The following EEF2K variants were observed in gnomAD, a reference collection of about 807,000 sequenced individuals.
EEF2K encodes alternative protein EEF2K.
In EEF2K, 70 loss-of-function variants were observed where a neutral mutation model predicts 93.8. That is an observed-to-expected ratio of 0.75 (90% CI 0.62 to 0.91). The LOEUF is 0.91. Among genes scored for constraint, EEF2K ranks in the 40% least tolerant of loss-of-function variants. The pLI is 0.00. For missense variants in EEF2K, 935 were observed against 972.9 expected (o/e 0.96, Z 0.52); for synonymous variants, 376 against 380.8 (o/e 0.99, Z 0.15).
intron 11 of EEF2K, 41 bp from the exon 12 acceptor site, chr16:22,263,069 C>T: frequency 1.3e-6 from 2 of 1,593,154 alleles, no homozygotes; most frequent in Non-Finnish European, 1.7e-6. Context: ...TCCAGGTGCT[C>T]AGGGGACCAC....
chr16:22,237,085 C>G (rs141639775), intron 2 of EEF2K, among the ~76,000 whole-genome samples: 1 of 151,514 alleles, frequency 6.6e-6, no homozygotes, highest in East Asian at 2.0e-4. Flanking sequence ...GCTGGGAGCA[C>G]AGGCACACGT....
At chr16:22,259,268 A>G (rs1392201898) in intron 10 of EEF2K, among the ~76,000 whole-genome samples, 1 of 152,200 alleles carries the variant, frequency 6.6e-6, no homozygotes, top group Non-Finnish European at 1.5e-5. Flanking sequence ...ACCCCAGGGT[A>G]TTGGCCTAAA....
At chr16:22,212,960 C>T (rs976937004) in intron 1 of EEF2K, among the ~76,000 whole-genome samples, 2 of 149,284 alleles carry the variant, frequency 1.3e-5, no homozygotes, top group African/African-American at 5.0e-5. Flanking sequence ...GATGAGAGAT[C>T]AAGACACCCA....
rs189036934 is a variant in EEF2K, at chr16:22,232,958, C to T, written c.246+6983C>T. On this transcript the variant is annotated intron_variant, in intron 2 of 17. Coordinates refer to ENST00000263026, the MANE Select transcript of EEF2K (RefSeq NM_013302.5). ...GGCCCGCTGGCCTCCCTCCAAGGAA[C>T]ACACCCAGCAGGTATTGGGTGTGGA... Among the ~76,000 whole-genome samples, 3 of 152,170 alleles carry T rather than the reference C, an allele frequency of 2.0e-5. No homozygotes were observed. The East Asian group carries it at 5.8e-4, about 29-fold the overall frequency.
rs2047750708 is a variant in EEF2K at position 22,286,106 on chromosome 16, A to G, written c.*2110A>G. Reference sequence around the variant, plus strand: ...AGCAGGTAAAATTACCCTTGAAAAAAATCCCTTGGACCACCCATAAATGAC... The same window carrying G: ...AGCAGGTAAAATTACCCTTGAAAAAGATCCCTTGGACCACCCATAAATGAC... On this transcript the variant is annotated 3_prime_UTR_variant, in exon 18 of 18. Coordinates refer to ENST00000263026, the MANE Select transcript of EEF2K (RefSeq NM_013302.5). 1 of 152,192 alleles carries G rather than the reference A, an allele frequency of 6.6e-6. No homozygotes were observed. The highest frequency in any genetic ancestry group is 6.5e-5 in the Admixed American group (1 of 15,268). 9.4% of individuals were successfully genotyped at this position (152,192 alleles called of 1,614,324 possible). A position where few individuals can be genotyped will look rare whatever the true frequency, so the allele number is the denominator to read the frequency against.
At chr16:22,215,745 T>G (rs2046951936) in intron 1 of EEF2K, among the ~76,000 whole-genome samples, 2 of 152,030 alleles carry the variant, frequency 1.3e-5, no homozygotes, top group South Asian at 4.1e-4. Flanking sequence ...ACCAACATGG[T>G]GAAACCCCGT....
chr16:22,250,836 C>T, intron 5 of EEF2K, 145 bp downstream of exon 5: 1 of 1,077,028 alleles, frequency 9.3e-7, no homozygotes, highest in Non-Finnish European at 1.3e-6. Context: ...ATCTAGTCTC[C>T]CTCGGGCCAC....
At chr16:22,274,842 C>CA (rs2047619291) in intron 16 of EEF2K, among the ~76,000 whole-genome samples, 1 of 152,160 alleles carries the variant, frequency 6.6e-6, no homozygotes, top group African/African-American at 2.4e-5. Flanking sequence ...CTCCTGGGCT[C>CA]AAGCAACCTT....
At chr16:22,224,657 A>G (rs2047045320) in intron 1 of EEF2K, among the ~76,000 whole-genome samples, 1 of 124,320 alleles carries the variant, frequency 8.0e-6, no homozygotes, top group Non-Finnish European at 1.6e-5. Flanking sequence ...AGAAAAGAAA[A>G]GAAAAAGAAA....
chr16:22,232,808 G>A lies in EEF2K; in HGVS notation c.246+6833G>A, dbSNP rs1842917894. ...AGGCTCTGTTGGGTTAGTGTTGCCAGGGGTGGCTTCAGAGGGAGACAACAG... is the reference window on the plus strand; with the variant it reads ...AGGCTCTGTTGGGTTAGTGTTGCCAAGGGTGGCTTCAGAGGGAGACAACAG... On this transcript the variant is annotated intron_variant, in intron 2 of 17. Transcript: ENST00000263026. Among the ~76,000 whole-genome samples the A allele has an allele frequency of 2.0e-5, 3 of 152,180 alleles. No individual in the cohort carries two copies. In the South Asian group the frequency reaches 6.2e-4, roughly 31 times the overall value.
At chr16:22,243,707 A>G (rs538171065) in intron 2 of EEF2K, among the ~76,000 whole-genome samples, 92 of 151,740 alleles carry the variant, frequency 6.1e-4, no homozygotes, top group African/African-American at 2.0e-3. Flanking sequence ...GGATCACTTG[A>G]GGTCAGGAGT....
intron 4 of EEF2K, among the ~76,000 whole-genome samples, chr16:22,250,299 A>G (rs2047335888): frequency 6.6e-6 from 1 of 152,168 alleles, no homozygotes. Context: ...TGATTTTTCC[A>G]GTATATTGTT....
chr16:22,226,110 A>G, intron 2 of EEF2K, 135 bp downstream of exon 2: 1 of 1,312,612 alleles, frequency 7.6e-7, no homozygotes, highest in Admixed American at 2.6e-5. Context: ...CTGAGGATAT[A>G]CTTGTTAAGC....
chr16:22,259,682 CAG>C (rs1407887252), intron 10 of EEF2K, among the ~76,000 whole-genome samples: 3 of 151,846 alleles, frequency 2.0e-5, no homozygotes, highest in East Asian at 3.8e-4. Flanking sequence ...TAAAAACAGA[CAG>C]ATAGATTTGG....
chr16:22,224,849 A>G (rs2047047791), intron 1 of EEF2K, among the ~76,000 whole-genome samples: 1 of 151,892 alleles, frequency 6.6e-6, no homozygotes, highest in Non-Finnish European at 1.5e-5. Flanking sequence ...GCTACGCGCG[A>G]GGCTGAGGCA....
intron 2 of EEF2K, among the ~76,000 whole-genome samples, chr16:22,244,118 A>G (rs1243523313): frequency 6.6e-6 from 1 of 151,434 alleles, no homozygotes; most frequent in East Asian, 1.9e-4. Flanking sequence ...AATCTCAGCT[A>G]CTTGGGAGGC....
At chr16:22,270,932 A>G (rs1475372437) in intron 15 of EEF2K, among the ~76,000 whole-genome samples, 2 of 148,280 alleles carry the variant, frequency 1.3e-5, no homozygotes, top group Non-Finnish European at 3.0e-5. Flanking sequence ...GTGTGTATAT[A>G]TGTGTGTGTG....
At chr16:22,226,802 G>T (rs769418297) in intron 2 of EEF2K, among the ~76,000 whole-genome samples, 1 of 152,152 alleles carries the variant, frequency 6.6e-6, no homozygotes, top group Non-Finnish European at 1.5e-5. Flanking sequence ...TAGGTCAGGC[G>T]TGGTGTCTCA....
intron 10 of EEF2K, among the ~76,000 whole-genome samples, chr16:22,259,796 C>T (rs572667758): frequency 1.4e-4 from 22 of 152,008 alleles, no homozygotes; most frequent in Admixed American, 3.3e-4. Context: ...TCTGTCACCC[C>T]GGCTGGAATG....
Sources: gnomAD v4.1 joint callset for allele counts (sites outside exome capture counted in the v4.1 genomes callset) on GRCh38, gnomAD v4.1.1 for gene constraint, MANE v1.5 for transcripts, NCBI Gene and HGNC (gene_info 2026-07-23, HGNC 2026-07-21) for gene names.